The following TULP4 variants were observed in gnomAD, a reference collection of about 807,000 sequenced individuals.
TULP4 encodes tubby-related protein 4.
TULP4 carries 16 observed loss-of-function variants against 129.0 expected under a neutral mutation model. The observed-to-expected ratio is 0.12, with a 90% confidence interval of 0.08 to 0.19. The LOEUF (loss-of-function observed/expected upper bound fraction) is 0.19, where lower values mean the gene tolerates loss of function less well. Ranked by LOEUF, TULP4 falls within the 10% of genes least tolerant of loss-of-function variation. The pLI, the probability that TULP4 is intolerant of heterozygous loss-of-function variation, is 1.00. For missense variants in TULP4, 1,842 were observed against 2,059.1 expected (o/e 0.89, Z 2.04); for synonymous variants, 998 against 854.0 (o/e 1.17, Z -2.94).
Position 158,355,498 on chromosome 6 carries a change from G to A in TULP4, c.252+41230G>A, listed in dbSNP as rs529670543. Among the ~76,000 whole-genome samples the A allele has an allele frequency of 2.6e-5, 4 of 152,266 alleles. No homozygotes were observed. The South Asian group carries it at 8.3e-4, about 32-fold the overall frequency. On this transcript the variant is annotated intron_variant, in intron 1 of 13. Transcript: ENST00000367097. The stretch of plus-strand genomic sequence containing the variant: ...AGTGGATGGAGCCCTGAGTACCAAG[G>A]AAAGGATATCCTGTTTTATCTGCAT...
intron 1 of TULP4, among the ~76,000 whole-genome samples, chr6:158,381,014 A>G (rs1777312681): frequency 6.6e-6 from 1 of 151,220 alleles, no homozygotes; most frequent in African/African-American, 2.4e-5. Flanking sequence ...TTGGAAGGGG[A>G]GCCCTTCCGA....
chr6:158,444,016 G>A lies in TULP4; in HGVS notation c.544-4980G>A, dbSNP rs1007222054. ...GGGCGGATCACAAGGTCAGGAGATT[G>A]AGACCATCCTGGCTAACACGGTGAA... On this transcript the variant is annotated intron_variant, in intron 3 of 13. Coordinates refer to ENST00000367097, the MANE Select transcript of TULP4 (RefSeq NM_020245.5). 5.9e-5 allele frequency among the ~76,000 whole-genome samples: 9 copies of A among 151,928 alleles called. No homozygotes were observed. The South Asian group carries it at 6.2e-4, about 11-fold the overall frequency.
At chr6:158,263,150 C>T (rs1347971525) in intron 1 of TULP4, among the ~76,000 whole-genome samples, 2 of 152,270 alleles carry the variant, frequency 1.3e-5, no homozygotes, top group African/African-American at 4.8e-5. Context: ...GACATAAGAT[C>T]GTTTGTTTAG....
At chr6:158,429,613 T>C in intron 2 of TULP4, 123 bp from the exon 3 acceptor site, 2 of 1,047,354 alleles carry the variant, frequency 1.9e-6, no homozygotes, top group South Asian at 1.7e-5. Context: ...AAATAACATA[T>C]GTTATATTTT....
intron 1 of TULP4, among the ~76,000 whole-genome samples, chr6:158,249,748 T>TAA (rs1778103602): frequency 1.3e-5 from 2 of 152,262 alleles, no homozygotes; most frequent in African/African-American, 4.8e-5. Context: ...CCTTTAATTT[T>TAA]AACTATCACT....
At chr6:158,335,194 T>A (rs1321149385) in intron 1 of TULP4, among the ~76,000 whole-genome samples, 1 of 151,348 alleles carries the variant, frequency 6.6e-6, no homozygotes, top group African/African-American at 2.4e-5. Context: ...GGAGAATCAC[T>A]TGAACCCGGG....
At chr6:158,464,648 C>T (rs1779515722) in intron 6 of TULP4, among the ~76,000 whole-genome samples, 3 of 152,168 alleles carry the variant, frequency 2.0e-5, no homozygotes, top group Non-Finnish European at 2.9e-5. Context: ...ATCCGCCCTC[C>T]TCGGCCTCCT....
intron 3 of TULP4, among the ~76,000 whole-genome samples, chr6:158,445,259 G>T (rs1419182783): frequency 6.6e-6 from 1 of 152,172 alleles, no homozygotes; most frequent in African/African-American, 2.4e-5. Flanking sequence ...TACAGAGGGA[G>T]CATTGGCCCT....
At chr6:158,309,232 A>G (rs1779288355), upstream of TULP4, among the ~76,000 whole-genome samples, 3 of 103,130 alleles carry the variant, frequency 2.9e-5, no homozygotes, top group East Asian at 9.3e-4. Context: ...CCGGGCAGAG[A>G]CGCTCCTCAC....
At chr6:158,358,278 C>G (rs1780693345) in intron 1 of TULP4, among the ~76,000 whole-genome samples, 2 of 152,126 alleles carry the variant, frequency 1.3e-5, no homozygotes, top group African/African-American at 4.8e-5. Flanking sequence ...GCTCTGTGAA[C>G]TATTCTTAGA....
At position 158,391,245 on chromosome 6, in the gene TULP4, A is replaced by G. The variant is rs138730610; in HGVS notation, c.253-21820A>G. ...TATTTCCTTTTGTAAAATTTCAAAT[A>G]AAAGCCATAAGGAAATACTTTATGA... is the stretch of plus-strand genomic sequence containing the variant. On this transcript the variant is annotated intron_variant, in intron 1 of 13. Coordinates refer to ENST00000367097, the MANE Select transcript of TULP4 (RefSeq NM_020245.5). 5.4e-3 allele frequency among the ~76,000 whole-genome samples: 826 copies of G among 152,368 alleles called. 5 individuals are homozygous for G. Among genetic ancestry groups the G allele is most frequent in the African/African-American group, 0.019 (778 of 41,586 alleles).
Position 158,503,192 on chromosome 6 carries a change from C to T in TULP4, c.3529C>T (p.Pro1177Ser). 1.2e-6 allele frequency: 2 copies of T among 1,613,978 alleles called. No homozygotes were observed. Among genetic ancestry groups the T allele is most frequent in the Non-Finnish European group, 1.7e-6 (2 of 1,179,896 alleles). Residue 1177 changes from proline (P) to serine (S), a missense_variant, in exon 13 of 14, where the codon CCC becomes TCC. By Grantham distance (74) the Pro-to-Ser change is moderately conservative. Around this residue, in one of 5 missense-constraint regions of TULP4, gnomAD observed 1,089 missense variants for 987.1 expected, o/e 1.10. Transcript: ENST00000367097. The surrounding 1 kb of genome is among the most constrained non-coding windows in gnomAD (Gnocchi z 4.3). ...PFISPKSPAS[P>S]TATFQTGYGM... ...CATCTCCCCCAAGTCTCCTGCCAGC[C>T]CCACTGCCACTTTCCAAACAGGCTA...
intron 1 of TULP4, among the ~76,000 whole-genome samples, chr6:158,271,856 A>C (rs567533158): frequency 2.0e-5 from 3 of 152,334 alleles, no homozygotes; most frequent in African/African-American, 7.2e-5. Context: ...GTTTTGGGGG[A>C]AACATTGAAA....
At chr6:158,331,553 C>T (rs1463537280) in intron 1 of TULP4, among the ~76,000 whole-genome samples, 1 of 150,722 alleles carries the variant, frequency 6.6e-6, no homozygotes, top group Non-Finnish European at 1.5e-5. Flanking sequence ...CTTGTACTTA[C>T]CCTGCCCTGG....
intron 1 of TULP4, among the ~76,000 whole-genome samples, chr6:158,268,202 ATT>A (rs578115734): frequency 6.6e-6 from 1 of 150,434 alleles, no homozygotes; most frequent in Non-Finnish European, 1.5e-5. Flanking sequence ...CACTTGGCTA[ATT>A]TTTTTTGTAT....
chr6:158,485,019 A>G (rs1780033702), intron 8 of TULP4, among the ~76,000 whole-genome samples: 1 of 152,240 alleles, frequency 6.6e-6, no homozygotes, highest in Non-Finnish European at 1.5e-5. Flanking sequence ...GGTGGATGCT[A>G]GAAATACGGA....
chr6:158,381,922 T>G (rs191270468), intron 1 of TULP4, among the ~76,000 whole-genome samples: 1 of 152,246 alleles, frequency 6.6e-6, no homozygotes, highest in Admixed American at 6.5e-5. Context: ...GTTTTTTTGT[T>G]ATTGTTGTTG....
Position 158,413,745 on chromosome 6 carries a change from C to T in TULP4, c.381+552C>T, listed in dbSNP as rs1301886539. ...GCACCCAGGACAGCCTGCTGAGCTG[C>T]GCTGTTTCTAGAACTGCTCCATAGA... On this transcript the variant is annotated intron_variant, in intron 2 of 13. Transcript: ENST00000367097. The surrounding 1 kb of genome is among the most constrained non-coding windows in gnomAD (Gnocchi z 4.9). Among the ~76,000 whole-genome samples, 2 of 152,234 alleles carry T rather than the reference C, an allele frequency of 1.3e-5. No homozygotes were observed. The highest frequency in any genetic ancestry group is 4.8e-5 in the African/African-American group (2 of 41,462).
At chr6:158,300,417 G>A (rs1318165479) in intron 1 of TULP4, among the ~76,000 whole-genome samples, 1 of 152,162 alleles carries the variant, frequency 6.6e-6, no homozygotes, top group Non-Finnish European at 1.5e-5. Flanking sequence ...GTGGGGAGTG[G>A]TTAAATTATG....
Sources: allele counts gnomAD v4.1 joint callset (sites outside exome capture counted in the v4.1 genomes callset), GRCh38; gene constraint gnomAD v4.1.1; regional missense constraint gnomAD v4.1.1; non-coding constraint Gnocchi (gnomAD v3.1); transcripts MANE v1.5; gene names NCBI Gene and HGNC (gene_info 2026-07-23, HGNC 2026-07-21).